The following LPP variants were observed in gnomAD, a reference collection of about 807,000 sequenced individuals.
LPP encodes the protein LIM domain containing preferred translocation partner in lipoma, also known as lipoma-preferred partner.
A neutral mutation model predicts 60.4 loss-of-function variants in LPP; 38 were observed. The observed-to-expected ratio is 0.63, with a 90% CI of 0.49 to 0.83. The LOEUF is 0.83. LPP is among the 40% of genes least tolerant of loss of function. The pLI is 0.00. For missense variants in LPP, 902 were observed against 783.6 expected, an observed-to-expected ratio of 1.15 and a Z score of -1.80; for synonymous variants, 328 against 290.8, an observed-to-expected ratio of 1.13 and a Z score of -1.30.
At chr3:188,768,531 T>C (rs1276505712) in intron 9 of LPP, among the ~76,000 whole-genome samples, 2 of 152,202 alleles carry the variant, frequency 1.3e-5, no homozygotes, top group Non-Finnish European at 2.9e-5. Flanking sequence ...GTAATCTCCA[T>C]AGATGCTTTT....
intron 6 of LPP, among the ~76,000 whole-genome samples, chr3:188,531,970 TG>T (rs557005797): frequency 6.6e-5 from 10 of 152,174 alleles, no homozygotes; most frequent in African/African-American, 2.4e-4. Context: ...AACAGTCTTG[TG>T]GGACTTGAAC....
chr3:188,706,388 A>G (rs998697482), intron 7 of LPP, among the ~76,000 whole-genome samples: 13 of 152,298 alleles, frequency 8.5e-5, no homozygotes, highest in African/African-American at 3.1e-4. Context: ...CTCTAATCCA[A>G]ATTGTTCAAC....
rs573295393 is a variant in LPP at position 188,492,692 on chromosome 3, G to A, written c.306+7988G>A. Reference sequence around the variant, plus strand: ...GCCTGGGTGACAAAAGCGAAACTCCGTCTCAAAGAAACAAACAAACAAAAA... The same window carrying A: ...GCCTGGGTGACAAAAGCGAAACTCCATCTCAAAGAAACAAACAAACAAAAA... On this transcript the variant is annotated intron_variant, in intron 5 of 11. Transcript: ENST00000617246. 3.8e-4 allele frequency among the ~76,000 whole-genome samples: 58 copies of A among 152,128 alleles called. 1 individual carries two copies. The South Asian group carries it at 0.011, about 29-fold the overall frequency.
At chr3:188,780,148 G>C (rs148354771) in intron 9 of LPP, among the ~76,000 whole-genome samples, 165 of 152,208 alleles carry the variant, frequency 1.1e-3, no homozygotes, top group African/African-American at 3.8e-3. Flanking sequence ...AAAGAGTTTG[G>C]AAGAAGGGAG....
chr3:188,314,818 A>AAAAT (rs1428785222), intron 2 of LPP, among the ~76,000 whole-genome samples: 1 of 152,222 alleles, frequency 6.6e-6, no homozygotes, highest in Non-Finnish European at 1.5e-5. Flanking sequence ...ACTCCATCTC[A>AAAAT]AAATAAACAA....
chr3:188,647,954 C>G (rs1206816135), intron 7 of LPP, among the ~76,000 whole-genome samples: 1 of 152,206 alleles, frequency 6.6e-6, no homozygotes, highest in African/African-American at 2.4e-5. Flanking sequence ...TTTGGTCTTA[C>G]TAAGCCTCAA....
chr3:188,858,703 T>G (rs1764409730), intron 9 of LPP, among the ~76,000 whole-genome samples: 1 of 152,222 alleles, frequency 6.6e-6, no homozygotes, highest in Non-Finnish European at 1.5e-5. Context: ...CCAGTTTATG[T>G]AGTCCAAATA....
intron 1 of LPP, among the ~76,000 whole-genome samples, chr3:188,183,852 C>T (rs544227327): frequency 1.3e-4 from 20 of 152,262 alleles, no homozygotes; most frequent in African/African-American, 4.8e-4. Flanking sequence ...AATTGTCGTA[C>T]TACACTGCTT....
chr3:188,542,922 AG>A (rs1825606556), intron 6 of LPP, among the ~76,000 whole-genome samples: 1 of 152,176 alleles, frequency 6.6e-6, no homozygotes, highest in Non-Finnish European at 1.5e-5. Context: ...CAGTGTTAAA[AG>A]GAAGTTTCAG....
intron 7 of LPP, among the ~76,000 whole-genome samples, chr3:188,663,731 G>A (rs1855119316): frequency 6.6e-6 from 1 of 152,120 alleles, no homozygotes; most frequent in South Asian, 2.1e-4. Context: ...CCACTTTTCT[G>A]GAAGACAGTT....
chr3:188,398,558 T>C (rs1244758871), intron 3 of LPP, among the ~76,000 whole-genome samples: 1 of 152,174 alleles, frequency 6.6e-6, no homozygotes, highest in African/African-American at 2.4e-5. Context: ...AGAAGTTGAG[T>C]GAATACATTG....
intron 5 of LPP, among the ~76,000 whole-genome samples, chr3:188,522,380 T>A (rs1245631184): frequency 6.6e-6 from 1 of 152,196 alleles, no homozygotes; most frequent in African/African-American, 2.4e-5. Context: ...ACCTCTTTGG[T>A]TCCGTTTTTA....
chr3:188,790,846 G>A (rs1004312824), intron 9 of LPP, among the ~76,000 whole-genome samples: 9 of 151,166 alleles, frequency 6.0e-5, no homozygotes, highest in East Asian at 2.0e-4. Flanking sequence ...TTAGCATATA[G>A]CGTAGAATTC....
intron 1 of LPP, among the ~76,000 whole-genome samples, chr3:188,175,769 T>C (rs1463130204): frequency 6.6e-6 from 1 of 152,178 alleles, no homozygotes; most frequent in African/African-American, 2.4e-5. Context: ...AGGAGTAAAC[T>C]CCTTTTCCAA....
chr3:188,571,971 C>T (rs531893806), intron 6 of LPP, among the ~76,000 whole-genome samples: 14 of 152,140 alleles, frequency 9.2e-5, no homozygotes, highest in African/African-American at 2.9e-4. Flanking sequence ...TGTACTTGTA[C>T]ATCAAAATCT....
chr3:188,619,050 G>T (rs751795459), intron 7 of LPP, among the ~76,000 whole-genome samples: 2 of 152,106 alleles, frequency 1.3e-5, no homozygotes, highest in African/African-American at 2.4e-5. Context: ...TTGAGACAGA[G>T]TGTCACTCTT....
intron 3 of LPP, among the ~76,000 whole-genome samples, chr3:188,402,404 A>G (rs543815940): frequency 1.3e-5 from 2 of 152,356 alleles, no homozygotes; most frequent in South Asian, 2.1e-4. Flanking sequence ...TGTAGACTTT[A>G]TCAACATATT....
intron 4 of LPP, among the ~76,000 whole-genome samples, chr3:188,423,580 T>C (rs1206379642): frequency 6.6e-6 from 1 of 152,212 alleles, no homozygotes; most frequent in African/African-American, 2.4e-5. Context: ...AAAGCATTCT[T>C]ATTTCTCTAC....
At chr3:188,412,026 C>T (rs565313607) in intron 4 of LPP, among the ~76,000 whole-genome samples, 1 of 150,774 alleles carries the variant, frequency 6.6e-6, no homozygotes, top group South Asian at 2.1e-4. Flanking sequence ...TTTGATAATA[C>T]TTTTTATCCA....
Sources: gnomAD v4.1 joint callset for allele counts (sites outside exome capture counted in the v4.1 genomes callset) on GRCh38, gnomAD v4.1.1 for gene constraint, MANE v1.5 for transcripts, NCBI Gene and HGNC (gene_info 2026-07-23, HGNC 2026-07-21) for gene names.